The following CDH22 variants were observed in gnomAD, a reference collection of about 807,000 sequenced individuals.
CDH22 encodes the protein cadherin 22, also known as cadherin-22.
Under a neutral mutation model 58.4 loss-of-function variants are expected in CDH22, and 30 were observed. The observed-to-expected ratio is 0.51, with a 90% CI of 0.38 to 0.70. The LOEUF (loss-of-function observed/expected upper bound fraction) is 0.70. CDH22 is among the 30% of genes least tolerant of loss of function. The probability of loss-of-function intolerance (pLI) is 0.00; values close to 1 mark genes in which losing one functional copy is unlikely to be tolerated. For synonymous variants in CDH22, 513 were observed against 558.2 expected (o/e 0.92, Z 1.14); for missense variants, 1,014 against 1,233.9 (o/e 0.82, Z 2.67).
At chr20:46,292,568 C>T (rs936369511) in intron 1 of CDH22, among the ~76,000 whole-genome samples, 44 of 152,144 alleles carry the variant, frequency 2.9e-4, no homozygotes, top group Non-Finnish European at 5.9e-4. Context: ...TTAGGGTATC[C>T]GGTGTCTTAG....
intron 1 of CDH22, among the ~76,000 whole-genome samples, chr20:46,297,087 C>A (rs1467373339): frequency 6.6e-6 from 1 of 152,136 alleles, no homozygotes; most frequent in African/African-American, 2.4e-5. Context: ...TGACTTTAAG[C>A]TGGGGCCACC....
chr20:46,189,666 A>C (rs1393725882), intron 8 of CDH22, among the ~76,000 whole-genome samples: 1 of 152,244 alleles, frequency 6.6e-6, no homozygotes, highest in Non-Finnish European at 1.5e-5. Flanking sequence ...AAAATGTCAC[A>C]GGTCACCTTG....
At chr20:46,276,710 G>C (rs952249481) in intron 1 of CDH22, among the ~76,000 whole-genome samples, 18 of 152,190 alleles carry the variant, frequency 1.2e-4, no homozygotes, top group African/African-American at 4.1e-4. Context: ...GGACTTTCAG[G>C]GGTGACTCAC....
At chr20:46,224,968 C>T (rs1011839676) in intron 4 of CDH22, among the ~76,000 whole-genome samples, 1 of 152,230 alleles carries the variant, frequency 6.6e-6, no homozygotes, top group Non-Finnish European at 1.5e-5. Context: ...TCCAGGGCCT[C>T]CCTGCCTCTA....
intron 1 of CDH22, among the ~76,000 whole-genome samples, chr20:46,274,124 G>T (rs555471714): frequency 3.4e-4 from 52 of 152,284 alleles, no homozygotes; most frequent in Non-Finnish European, 6.0e-4. Context: ...ATCTCCCTTG[G>T]GGGAGAGGAC....
chr20:46,255,665 G>C (rs1047821856), intron 1 of CDH22, among the ~76,000 whole-genome samples: 32 of 152,108 alleles, frequency 2.1e-4, no homozygotes, highest in South Asian at 4.1e-4. Context: ...ACTCTTCACT[G>C]CTCTGCACAG....
At chr20:46,177,607 T>A (rs1379515865) in intron 11 of CDH22, among the ~76,000 whole-genome samples, 1 of 152,134 alleles carries the variant, frequency 6.6e-6, no homozygotes, top group Non-Finnish European at 1.5e-5. Flanking sequence ...CATGTGCTTG[T>A]GAGGTTCACA....
chr20:46,198,287 G>GAGAC (rs1555801445), intron 8 of CDH22, among the ~76,000 whole-genome samples: 1 of 128,632 alleles, frequency 7.8e-6, no homozygotes, highest in Non-Finnish European at 1.6e-5. Context: ...GCACCAAAAA[G>GAGAC]ACACACACAC....
intron 8 of CDH22, among the ~76,000 whole-genome samples, 166 bp downstream of exon 8, chr20:46,199,257 T>C (rs964267024): frequency 2.0e-5 from 3 of 152,232 alleles, no homozygotes; most frequent in Admixed American, 1.3e-4. Flanking sequence ...GTGAGATCTT[T>C]GTCTAGTTTC....
chr20:46,253,309 A>G (rs192208707), intron 1 of CDH22, among the ~76,000 whole-genome samples: 101 of 152,010 alleles, frequency 6.6e-4, no homozygotes, highest in African/African-American at 2.3e-3. Flanking sequence ...TTATGGAAGG[A>G]GTTTCAGGGT....
chr20:46,228,943 AC>A (rs1252912352), intron 3 of CDH22, among the ~76,000 whole-genome samples: 56 of 152,278 alleles, frequency 3.7e-4, no homozygotes, highest in African/African-American at 1.3e-3. Flanking sequence ...CCAGACAGAC[AC>A]ATGTATTTAT....
At chr20:46,293,738 C>T (rs2086616111) in intron 1 of CDH22, among the ~76,000 whole-genome samples, 1 of 152,160 alleles carries the variant, frequency 6.6e-6, no homozygotes, top group Admixed American at 6.5e-5. Flanking sequence ...ACACAGAGGC[C>T]AGGTGCGGTG....
intron 7 of CDH22, among the ~76,000 whole-genome samples, chr20:46,206,236 A>G (rs1295283519): frequency 2.0e-5 from 3 of 152,224 alleles, no homozygotes; most frequent in South Asian, 2.1e-4. Context: ...GGATTCAGGA[A>G]GTGGTGAGTC....
chr20:46,276,377 G>A (rs1302356463), intron 1 of CDH22, among the ~76,000 whole-genome samples: 2 of 152,338 alleles, frequency 1.3e-5, no homozygotes, highest in East Asian at 3.9e-4. Flanking sequence ...GGCCGGAGTT[G>A]CTTCAGGGAG....
intron 2 of CDH22, among the ~76,000 whole-genome samples, chr20:46,246,903 T>C (rs982383464): frequency 6.6e-6 from 1 of 151,862 alleles, no homozygotes; most frequent in African/African-American, 2.4e-5. Flanking sequence ...GAGAGCGTGG[T>C]ATGAGAGTGT....
chr20:46,283,234 C>T (rs2086558929), intron 1 of CDH22, among the ~76,000 whole-genome samples: 1 of 152,192 alleles, frequency 6.6e-6, no homozygotes, highest in Non-Finnish European at 1.5e-5. Flanking sequence ...TGTCTTCAGC[C>T]TCCAAGTGCA....
chr20:46,203,736 C>T (rs1661632400), intron 7 of CDH22, among the ~76,000 whole-genome samples: 1 of 152,180 alleles, frequency 6.6e-6, no homozygotes, highest in African/African-American at 2.4e-5. Context: ...GTCCCCCCAA[C>T]CCAGTGTGTG....
intron 1 of CDH22, among the ~76,000 whole-genome samples, chr20:46,282,100 G>A (rs1387955273): frequency 5.9e-5 from 9 of 152,326 alleles, no homozygotes; most frequent in South Asian, 2.1e-4. Flanking sequence ...CAAAGATACC[G>A]ATACTGATGA....
Position 46,300,626 on chromosome 20 carries a change from T to C in CDH22, c.-400+7629A>G, listed in dbSNP as rs1357914580. ...TGCTTTTTTGACTCGCAGAGGGGTC[T>C]GTGGTGTTAACATCTGGACCAACTT... On this transcript the variant is annotated intron_variant, in intron 1 of 11. Coordinates refer to ENST00000537909, the MANE Select transcript of CDH22 (RefSeq NM_021248.3). The surrounding 1 kb of genome is among the most constrained non-coding windows in gnomAD (Gnocchi z 4.4). Among the ~76,000 whole-genome samples, 2 of 152,236 alleles carry C rather than the reference T, an allele frequency of 1.3e-5. No individual in the cohort carries two copies. The highest frequency in any genetic ancestry group is 2.4e-5 in the African/African-American group (1 of 41,468).
Sources: allele counts gnomAD v4.1 joint callset (sites outside exome capture counted in the v4.1 genomes callset), GRCh38; gene constraint gnomAD v4.1.1; non-coding constraint Gnocchi (gnomAD v3.1); transcripts MANE v1.5; gene names NCBI Gene and HGNC (gene_info 2026-07-23, HGNC 2026-07-21).